The following NUP98 variants were observed in gnomAD, a reference collection of about 807,000 sequenced individuals.
NUP98 encodes the protein nucleoporin 98 and 96 precursor, also known as nuclear pore complex protein Nup98-Nup96.
In NUP98, 26 loss-of-function variants were observed where a neutral mutation model predicts 191.9. The ratio of observed to expected loss-of-function variants is 0.14; its 90% CI spans 0.10 to 0.19. The LOEUF is 0.19. Among genes scored for constraint, NUP98 ranks in the 10% least tolerant of loss-of-function variants. The pLI is 1.00. For synonymous variants in NUP98, 808 were observed against 778.4 expected, an observed-to-expected ratio of 1.04 and a Z score of -0.63; for missense variants, 1,941 against 2,178.8, an observed-to-expected ratio of 0.89 and a Z score of 2.17.
chr11:3,698,753 T>TAAAAA (rs2078589580), intron 25 of NUP98, among the ~76,000 whole-genome samples: 1 of 95,482 alleles, frequency 1.0e-5, no homozygotes, highest in African/African-American at 5.5e-5. Context: ...AAAAAAAAAG[T>TAAAAA]CATGGTTCCT....
At chr11:3,753,780 A>AAAAAAAAAAAAAAG in intron 10 of NUP98, among the ~76,000 whole-genome samples, 1 of 142,006 alleles carries the variant, frequency 7.0e-6, no homozygotes, top group South Asian at 2.3e-4. Flanking sequence ...AAAAAAAAAA[A>AAAAAAAAAAAAAAG]AAAAAAAAAA....
intron 13 of NUP98, among the ~76,000 whole-genome samples, chr11:3,734,702 G>C (rs902596105): frequency 6.6e-6 from 1 of 152,130 alleles, no homozygotes; most frequent in Non-Finnish European, 1.5e-5. Flanking sequence ...TTAAGATTTT[G>C]GTTATGCCAC....
In NUP98 at chr11:3,779,237, T is replaced by C. The variant is rs772231143; in HGVS notation, c.97A>G (p.Ser33Gly). The change falls in exon 3 of 33, where the codon AGT (serine) becomes GGT (glycine). Residue 33 changes from serine to glycine, a missense_variant. Ser to Gly is a moderately conservative substitution (Grantham distance 56). Coordinates refer to ENST00000324932, the MANE Select transcript of NUP98 (RefSeq NM_016320.5). ...GCAGATGTTCCAAATGCCCCTCCAC[T>C]AGTAGTGCCAAAGCCAGTATCTGAA... ...FGQNTGFGTT[S>G]GGAFGTSAFG... 1.6e-5 allele frequency: 26 copies of C among 1,613,936 alleles called. No homozygotes were observed. Among genetic ancestry groups the C allele is most frequent in the Non-Finnish European group, 2.1e-5 (25 of 1,179,898 alleles).
chr11:3,692,946 A>C (rs1406352776), intron 27 of NUP98: 3 of 288,586 alleles, frequency 1.0e-5, no homozygotes. Context: ...TTTGAAGATA[A>C]ACCAAATCTG....
chr11:3,770,740 A>G (rs558557676), intron 7 of NUP98, among the ~76,000 whole-genome samples: 3 of 152,288 alleles, frequency 2.0e-5, no homozygotes, highest in African/African-American at 4.8e-5. Flanking sequence ...CTTTTGCAAA[A>G]GTAGTATTTT....
At chr11:3,732,355 G>C (rs2079881916) in intron 13 of NUP98, among the ~76,000 whole-genome samples, 1 of 152,156 alleles carries the variant, frequency 6.6e-6, no homozygotes, top group African/African-American at 2.4e-5. Context: ...TGAGAGTTTA[G>C]CTTGCAATCA....
At chr11:3,788,705 G>T (rs2082230361) in intron 1 of NUP98, among the ~76,000 whole-genome samples, 1 of 152,152 alleles carries the variant, frequency 6.6e-6, no homozygotes, top group Non-Finnish European at 1.5e-5. Flanking sequence ...CACCATTTTG[G>T]GAGGCCCAAA....
At chr11:3,754,321 G>A (rs1298085480) in intron 10 of NUP98, among the ~76,000 whole-genome samples, 2 of 152,196 alleles carry the variant, frequency 1.3e-5, no homozygotes, top group Non-Finnish European at 2.9e-5. Context: ...AGCTACTTGG[G>A]AGGCTGAGGC....
At chr11:3,741,663 A>C (rs1214556567) in intron 12 of NUP98, among the ~76,000 whole-genome samples, 2 of 152,122 alleles carry the variant, frequency 1.3e-5, no homozygotes, top group African/African-American at 4.8e-5. Context: ...ACAACAAAAA[A>C]ATCTCCCAGA....
chr11:3,762,164 C>T (rs1453076324), intron 9 of NUP98, among the ~76,000 whole-genome samples: 1 of 152,028 alleles, frequency 6.6e-6, no homozygotes, highest in Non-Finnish European at 1.5e-5. Flanking sequence ...GGCTAGAGTG[C>T]AATAGCGCGA....
At position 3,679,598 on chromosome 11, in the gene NUP98, G is replaced by C. The variant is rs1438365477; in HGVS notation, c.5029C>G (p.Leu1677Val). The stretch of plus-strand genomic sequence containing the variant: ...ATTTCAATGACTCTAATATAGTCCA[G>C]GTAAACAAGCCCAGATGTTTCCCAA... Reference protein sequence around the residue: ...QDWETSGLVYLDYIRVIEMLR... With the variant: ...QDWETSGLVYVDYIRVIEMLR... The change falls in exon 31 of 33, where the codon CTG becomes GTG. Residue 1677 changes from leucine (L) to valine (V), a missense_variant. This residue lies in a region of NUP98 where 1,030 missense variants were observed against 1,115.8 expected (regional missense o/e 0.92). Coordinates refer to ENST00000324932, the MANE Select transcript of NUP98 (RefSeq NM_016320.5). The C allele has an allele frequency of 1.2e-6, 2 of 1,614,172 alleles. No individual in the cohort carries two copies. The highest frequency in any genetic ancestry group is 3.3e-5 in the Admixed American group (2 of 60,014).
chr11:3,686,063 C>T lies in NUP98; in HGVS notation c.4586G>A (p.Gly1529Asp). ...GCCAGCGTAACTGGCCTGTAGCACACCTTCACACTGCGCTGAGAGATGGGT... is the reference window on the plus strand; with the variant it reads ...GCCAGCGTAACTGGCCTGTAGCACATCTTCACACTGCGCTGAGAGATGGGT... ...NYTHLSAQCEGVLQASYAGQL... is the reference protein window; with the variant it reads ...NYTHLSAQCEDVLQASYAGQL... The change falls in exon 29 of 33, where the codon GGT (glycine) becomes GAT (aspartate). Residue 1529 changes from glycine (G) to aspartate (D), a missense_variant. By Grantham distance (94) the Gly-to-Asp change is moderately conservative (BLOSUM62 -1). This residue lies in a region of NUP98 where 1,030 missense variants were observed against 1,115.8 expected (regional missense o/e 0.92). Coordinates refer to ENST00000324932, the MANE Select transcript of NUP98 (RefSeq NM_016320.5). 1 of 1,614,230 alleles carries T rather than the reference C, an allele frequency of 6.2e-7. No individual in the cohort carries two copies. The highest frequency in any genetic ancestry group is 8.5e-7 in the Non-Finnish European group (1 of 1,180,044).
In NUP98 at chr11:3,695,624, G is replaced by GT; in HGVS notation, c.4010-19dup. On this transcript the variant is annotated intron_variant, in intron 25 of 32. Transcript: ENST00000324932. ...ATGATCCCCTATAAGAGAAATGGAA[G>GT]TTTTTTGGTTATTACTAAGGGTTTA... The GT allele has an allele frequency of 6.6e-7, 1 of 1,524,720 alleles. No homozygotes were observed. The highest frequency in any genetic ancestry group is 8.8e-7 in the Non-Finnish European group (1 of 1,135,904). 94.4% of individuals were successfully genotyped at this position (1,524,720 alleles called of 1,614,324 possible).
intron 8 of NUP98, among the ~76,000 whole-genome samples, chr11:3,767,507 T>C (rs1486597529): frequency 6.6e-6 from 1 of 151,420 alleles, no homozygotes; most frequent in African/African-American, 2.4e-5. Flanking sequence ...AAGTTTTGTA[T>C]TTTTAGCAGA....
rs779201717 is a variant in NUP98 at position 3,771,733 on chromosome 11, A to T, written c.784+15T>A. The T allele has an allele frequency of 6.2e-7, 1 of 1,610,770 alleles. No individual in the cohort carries two copies. Among genetic ancestry groups the T allele is most frequent in the East Asian group, 2.2e-5 (1 of 44,862 alleles). ...TCTCTCCTCAGTATAATCTAACATG[A>T]TATCAAGTGCTTACTAGTTCCAAAG... On this transcript the variant is annotated intron_variant, in intron 7 of 32. Transcript: ENST00000324932.
At chr11:3,779,100 G>A in intron 3 of NUP98, 51 bp from the exon 4 acceptor site, 2 of 1,612,534 alleles carry the variant, frequency 1.2e-6, no homozygotes, top group South Asian at 1.1e-5. Flanking sequence ...GAGCCACTAA[G>A]TCAATTCCTA....
At chr11:3,733,402 C>T (rs1479236364) in intron 13 of NUP98, among the ~76,000 whole-genome samples, 1 of 152,176 alleles carries the variant, frequency 6.6e-6, no homozygotes, top group African/African-American at 2.4e-5. Context: ...ATCTCCACCT[C>T]CCAGGTTCAA....
chr11:3,755,106 G>A (rs934519954), intron 10 of NUP98, among the ~76,000 whole-genome samples: 2 of 151,940 alleles, frequency 1.3e-5, no homozygotes, highest in African/African-American at 4.8e-5. Flanking sequence ...TTTCTCATGA[G>A]AGAAAAGAAA....
chr11:3,705,097 G>C, intron 22 of NUP98, 103 bp downstream of exon 22: 1 of 1,045,592 alleles, frequency 9.6e-7, no homozygotes, highest in South Asian at 1.5e-5. Context: ...TTGTTTGGCA[G>C]ATACTTGCTA....
Sources: allele counts gnomAD v4.1 joint callset (sites outside exome capture counted in the v4.1 genomes callset), GRCh38; gene constraint gnomAD v4.1.1; regional missense constraint gnomAD v4.1.1; transcripts MANE v1.5; gene names NCBI Gene and HGNC (gene_info 2026-07-23, HGNC 2026-07-21).